Variants in PEBP4 observed in about 807,000 individuals in gnomAD.
PEBP4 encodes the protein phosphatidylethanolamine-binding protein 4.
PEBP4 carries 22 observed loss-of-function variants against 23.9 expected under a neutral mutation model. The observed-to-expected ratio is 0.92, with a 90% CI of 0.66 to 1.31. PEBP4 has a LOEUF of 1.31. Ranked by LOEUF, PEBP4 falls within the 40% of genes most tolerant of loss-of-function variation. The pLI is 0.00. For synonymous variants in PEBP4, 112 were observed against 99.3 expected, an observed-to-expected ratio of 1.13 and a Z score of -0.76; for missense variants, 324 against 281.7, an observed-to-expected ratio of 1.15 and a Z score of -1.07.
intron 4 of PEBP4, among the ~76,000 whole-genome samples, chr8:22,800,221 G>A (rs948783833): frequency 6.6e-6 from 1 of 152,100 alleles, no homozygotes; most frequent in Non-Finnish European, 1.5e-5. Flanking sequence ...TATACCTGGA[G>A]TCTTGGTTAA....
chr8:22,734,118 A>G (rs1804800133), intron 4 of PEBP4, among the ~76,000 whole-genome samples: 1 of 152,226 alleles, frequency 6.6e-6, no homozygotes, highest in African/African-American at 2.4e-5. Flanking sequence ...ACAGGACTGG[A>G]AAGCGCTACC....
chr8:22,844,933 T>C (rs1431895400), intron 3 of PEBP4, among the ~76,000 whole-genome samples: 6 of 152,166 alleles, frequency 3.9e-5, no homozygotes, highest in Non-Finnish European at 5.9e-5. Context: ...CTCTCAACCC[T>C]ATGAACCAGG....
At chr8:22,928,366 G>A (rs1563265290), upstream of PEBP4, among the ~76,000 whole-genome samples, 2 of 152,234 alleles carry the variant, frequency 1.3e-5, no homozygotes, top group African/African-American at 2.4e-5. Flanking sequence ...GGCCAGCTCC[G>A]AAGGGCCAGC....
At chr8:22,912,418 G>T (rs1257271733) in intron 3 of PEBP4, among the ~76,000 whole-genome samples, 1 of 152,190 alleles carries the variant, frequency 6.6e-6, no homozygotes, top group Non-Finnish European at 1.5e-5. Context: ...ATGACTGAAT[G>T]ACACCCCCTC....
At chr8:22,859,720 C>T (rs1366838710) in intron 3 of PEBP4, among the ~76,000 whole-genome samples, 1 of 152,182 alleles carries the variant, frequency 6.6e-6, no homozygotes, top group Non-Finnish European at 1.5e-5. Context: ...CATCTTGCCT[C>T]ATCTCCTATT....
chr8:22,838,754 G>A (rs752531786), intron 3 of PEBP4, among the ~76,000 whole-genome samples: 14 of 152,262 alleles, frequency 9.2e-5, no homozygotes, highest in Non-Finnish European at 1.9e-4. Context: ...CTAAGCCGCC[G>A]CAGTCGCCAG....
rs145352386 is a variant in PEBP4 at position 22,797,185 on chromosome 8, G to A, written c.357+20452C>T. Among the ~76,000 whole-genome samples, 724 of 150,978 alleles carry A rather than the reference G, an allele frequency of 4.8e-3. 7 individuals carry two copies. Among genetic ancestry groups the A allele is most frequent in the African/African-American group, 0.017 (689 of 41,118 alleles). ...AGAAGAATCGCTTGACCCAGGAGGCGGAGGTTGCGGTGAGCTGAGATTGCG... is the reference window on the plus strand; with the variant it reads ...AGAAGAATCGCTTGACCCAGGAGGCAGAGGTTGCGGTGAGCTGAGATTGCG... On this transcript the variant is annotated intron_variant, in intron 4 of 6. Transcript: ENST00000256404.
In PEBP4 at chr8:22,920,390, T is replaced by C. The variant is rs1324846276; in HGVS notation, c.132-80A>G. ...TTCCCAAGGCTTCAGTCTAGCACTA[T>C]TGGGAATGTAAAGTGAAATGGGATC... On this transcript the variant is annotated intron_variant, in intron 2 of 6. Transcript: ENST00000256404. The C allele has an allele frequency of 5.5e-6, 8 of 1,453,570 alleles. No homozygotes were observed. The East Asian group carries it at 6.9e-5, about 13-fold the overall frequency. The allele number at this position is 1,453,570 out of a possible 1,614,324, so 90.0% of individuals were successfully genotyped here.
chr8:22,725,309 A>G (rs1382198426), intron 5 of PEBP4, among the ~76,000 whole-genome samples: 1 of 152,130 alleles, frequency 6.6e-6, no homozygotes, highest in Non-Finnish European at 1.5e-5. Flanking sequence ...CCTCAAGAGA[A>G]GCCCATCTTC....
At chr8:22,886,790 T>G (rs1433635631) in intron 3 of PEBP4, 1 of 152,470 alleles carries the variant, frequency 6.6e-6, no homozygotes, top group Non-Finnish European at 1.5e-5. Flanking sequence ...CTGGGCACAT[T>G]GCCCAGAAGT....
chr8:22,811,735 C>A (rs1210196522), intron 4 of PEBP4, among the ~76,000 whole-genome samples: 1 of 152,188 alleles, frequency 6.6e-6, no homozygotes, highest in Non-Finnish European at 1.5e-5. Context: ...CTTCCAGGCT[C>A]CAACACGCTT....
intron 4 of PEBP4, among the ~76,000 whole-genome samples, chr8:22,790,846 A>G (rs1013411574): frequency 6.6e-6 from 1 of 152,196 alleles, no homozygotes; most frequent in African/African-American, 2.4e-5. Context: ...ATGTATAGAT[A>G]TTATGCATCC....
rs545967961 is a variant in PEBP4, at chr8:22,832,329, G to C, written c.259-14594C>G. Among the ~76,000 whole-genome samples the C allele has an allele frequency of 2.2e-4, 33 of 152,280 alleles. 1 individual carries two copies. The South Asian group carries it at 6.8e-3, about 32-fold the overall frequency. ...GGTACCTTCATAAGAAGAGACACTA[G>C]AGAACTCACTTCCTCCCTCTCTCTC... On this transcript the variant is annotated intron_variant, in intron 3 of 6. Coordinates refer to ENST00000256404, the MANE Select transcript of PEBP4 (RefSeq NM_144962.3).
At chr8:22,833,825 T>C (rs780952649) in intron 3 of PEBP4, among the ~76,000 whole-genome samples, 7 of 152,310 alleles carry the variant, frequency 4.6e-5, no homozygotes, top group Non-Finnish European at 7.4e-5. Context: ...GAGGTTTTGA[T>C]TGAAGGAGTC....
chr8:22,887,814 T>C (rs1381870481), intron 3 of PEBP4: 2 of 152,146 alleles, frequency 1.3e-5, no homozygotes, highest in East Asian at 3.9e-4. Flanking sequence ...TTTAGTTTAT[T>C]GTCTTTAAAA....
intron 4 of PEBP4, among the ~76,000 whole-genome samples, chr8:22,795,161 ATATTTTTTTTTTTTTTTTT>A (rs1280943566): frequency 1.2e-4 from 3 of 25,824 alleles, no homozygotes; most frequent in African/African-American, 1.4e-4. Context: ...ATATATATAT[ATATTTTTTTTTTTTTTTTT>A]TTTTTTTTTT....
At chr8:22,904,372 T>C (rs2128777495) in intron 3 of PEBP4, among the ~76,000 whole-genome samples, 1 of 152,306 alleles carries the variant, frequency 6.6e-6, no homozygotes, top group South Asian at 2.1e-4. Context: ...TGATGCTGAA[T>C]CCAGCACCAG....
chr8:22,877,306 C>T (rs1193709034), intron 3 of PEBP4, among the ~76,000 whole-genome samples: 1 of 152,104 alleles, frequency 6.6e-6, no homozygotes, highest in Admixed American at 6.5e-5. Flanking sequence ...GCTACGTGTC[C>T]TTATTGTGAA....
chr8:22,870,195 T>C (rs574117002), intron 3 of PEBP4, among the ~76,000 whole-genome samples: 13 of 152,264 alleles, frequency 8.5e-5, no homozygotes, highest in Admixed American at 4.6e-4. Flanking sequence ...GCAACCAAAA[T>C]GTCAATGAAT....
Sources: gnomAD v4.1 joint callset for allele counts (sites outside exome capture counted in the v4.1 genomes callset) on GRCh38, gnomAD v4.1.1 for gene constraint, MANE v1.5 for transcripts, NCBI Gene and HGNC (gene_info 2026-07-23, HGNC 2026-07-21) for gene names.